STPG2: variants seen among roughly 807,000 people sequenced by gnomAD.
STPG2 encodes the protein sperm-tail PG-rich repeat-containing protein 2.
Under a neutral mutation model 54.2 loss-of-function variants are expected in STPG2, and 56 were observed. That is an observed-to-expected ratio of 1.03 (90% CI 0.83 to 1.29). STPG2 has a LOEUF of 1.29. Among genes scored for constraint, STPG2 ranks in the 50% most tolerant of loss-of-function variants. The pLI, the probability that STPG2 is intolerant of heterozygous loss-of-function variation, is 0.00. For missense variants in STPG2, 596 were observed against 544.9 expected, an observed-to-expected ratio of 1.09 and a Z score of -0.93; for synonymous variants, 200 against 181.8, an observed-to-expected ratio of 1.10 and a Z score of -0.81.
At chr4:98,100,727 G>A (rs1739006327) in intron 5 of STPG2, among the ~76,000 whole-genome samples, 1 of 145,412 alleles carries the variant, frequency 6.9e-6, no homozygotes, top group South Asian at 2.2e-4. Context: ...CCAGGCTGGA[G>A]TGCAGTGGTG....
chr4:97,997,542 C>T (rs531134317), intron 5 of STPG2, among the ~76,000 whole-genome samples: 1 of 152,184 alleles, frequency 6.6e-6, no homozygotes, highest in Admixed American at 6.5e-5. Flanking sequence ...GATTCAATCA[C>T]CTCCCACCAA....
intron 5 of STPG2, among the ~76,000 whole-genome samples, chr4:98,038,172 G>T (rs1472270100): frequency 1.3e-5 from 2 of 151,950 alleles, no homozygotes; most frequent in Non-Finnish European, 2.9e-5. Context: ...ACTGCACCTG[G>T]CTTGTTTTGG....
At chr4:97,448,141 T>C (rs559908826) in intron 4 of STPG2, among the ~76,000 whole-genome samples, 3 of 152,284 alleles carry the variant, frequency 2.0e-5, no homozygotes, top group East Asian at 1.9e-4. Context: ...CCATTTGAAA[T>C]GGGAGCATTT....
chr4:97,800,933 G>C lies in STPG2; in HGVS notation c.1204+39840C>G, dbSNP rs538621590. On this transcript the variant is annotated intron_variant, in intron 9 of 10. Transcript: ENST00000295268. ...CCACCTTGCAGTTGGATCTCAGACT[G>C]CTGTGCTAGCAATGAGCAAGGCTCC... Among the ~76,000 whole-genome samples the C allele has an allele frequency of 5.3e-5, 8 of 152,302 alleles. No homozygotes were observed. In the South Asian group the frequency reaches 1.7e-3, roughly 32 times the overall value.
chr4:97,497,187 A>G (rs1730628990), intron 4 of STPG2, among the ~76,000 whole-genome samples: 1 of 151,796 alleles, frequency 6.6e-6, no homozygotes, highest in Admixed American at 6.6e-5. Context: ...AGCAGGCAGC[A>G]TATACACTAA....
At chr4:97,701,346 A>G (rs1723768951) in intron 10 of STPG2, among the ~76,000 whole-genome samples, 2 of 152,168 alleles carry the variant, frequency 1.3e-5, no homozygotes, top group African/African-American at 4.8e-5. Context: ...TCTGACCTCC[A>G]TAAGCCTCTA....
At chr4:97,795,835 A>G (rs778500634) in intron 9 of STPG2, among the ~76,000 whole-genome samples, 10 of 152,098 alleles carry the variant, frequency 6.6e-5, no homozygotes, top group Non-Finnish European at 1.3e-4. Flanking sequence ...AAGTGTTCCT[A>G]TTTCTCCACA....
chr4:98,033,290 G>C (rs1045121010), intron 5 of STPG2, among the ~76,000 whole-genome samples: 1 of 151,968 alleles, frequency 6.6e-6, no homozygotes, highest in Non-Finnish European at 1.5e-5. Context: ...CAATCCCACA[G>C]AAATACAAAC....
intron 4 of STPG2, among the ~76,000 whole-genome samples, chr4:97,527,242 A>G (rs1240320878): frequency 6.6e-6 from 1 of 152,026 alleles, no homozygotes. Flanking sequence ...GAGTGAGAAC[A>G]TGTGGGGTTT....
intron 8 of STPG2, among the ~76,000 whole-genome samples, chr4:97,866,598 C>T (rs1007904908): frequency 2.6e-5 from 4 of 151,916 alleles, no homozygotes; most frequent in African/African-American, 9.6e-5. Context: ...TTTGGTACTG[C>T]AAATTGTGAT....
intron 7 of STPG2, among the ~76,000 whole-genome samples, chr4:97,965,008 A>G (rs984078321): frequency 2.0e-5 from 3 of 152,184 alleles, no homozygotes; most frequent in Non-Finnish European, 4.4e-5. Flanking sequence ...GGTGCAGCCC[A>G]CAGAGGGCAA....
chr4:97,988,558 C>T (rs1315418015), intron 5 of STPG2, among the ~76,000 whole-genome samples: 2 of 152,056 alleles, frequency 1.3e-5, no homozygotes, highest in African/African-American at 4.8e-5. Context: ...ATGATGGGTT[C>T]CTATTGAAAA....
chr4:98,123,427 G>T (rs895097934), intron 3 of STPG2, among the ~76,000 whole-genome samples: 7 of 152,074 alleles, frequency 4.6e-5, no homozygotes, highest in Non-Finnish European at 7.4e-5. Flanking sequence ...CTTGATTTAT[G>T]CCTTAATTTC....
chr4:97,696,337 C>G (rs1232194471), intron 10 of STPG2, among the ~76,000 whole-genome samples: 1 of 152,162 alleles, frequency 6.6e-6, no homozygotes, highest in Non-Finnish European at 1.5e-5. Flanking sequence ...CAGAAGAAAA[C>G]TGAATCTTCA....
intron 5 of STPG2, among the ~76,000 whole-genome samples, chr4:98,020,961 A>G (rs1736165097): frequency 6.6e-6 from 1 of 152,064 alleles, no homozygotes; most frequent in African/African-American, 2.4e-5. Context: ...GATCTTTTCA[A>G]AAAACCAGCT....
intron 10 of STPG2, among the ~76,000 whole-genome samples, chr4:97,711,669 C>CT (rs1242814556): frequency 0.038 from 5,088 of 133,666 alleles, 142 homozygotes; most frequent in Middle Eastern, 0.065. Context: ...TATTTACTTA[C>CT]TTTTTTTTTT....
At chr4:97,933,461 T>A (rs533508604) in intron 8 of STPG2, among the ~76,000 whole-genome samples, 24 of 152,344 alleles carry the variant, frequency 1.6e-4, no homozygotes, top group Admixed American at 3.9e-4. Flanking sequence ...AGAATGTTAT[T>A]GCCTAGATTT....
chr4:97,989,022 G>A (rs11097591), intron 5 of STPG2, among the ~76,000 whole-genome samples: 37,236 of 152,066 alleles, frequency 0.24, 5,323 homozygotes, highest in Middle Eastern at 0.36. Flanking sequence ...AACTAATACA[G>A]AAGTATCTTT....
chr4:97,704,410 CA>C (rs1723880184), intron 10 of STPG2, among the ~76,000 whole-genome samples: 1 of 152,150 alleles, frequency 6.6e-6, no homozygotes. Flanking sequence ...ATACCTCTGA[CA>C]GATATCCCAA....
Sources: gnomAD v4.1 joint callset for allele counts (sites outside exome capture counted in the v4.1 genomes callset) on GRCh38, gnomAD v4.1.1 for gene constraint, MANE v1.5 for transcripts, NCBI Gene and HGNC (gene_info 2026-07-23, HGNC 2026-07-21) for gene names.